SLC26A1: variants seen among roughly 807,000 people sequenced by gnomAD.
SLC26A1 encodes the protein sulfate anion transporter 1.
In SLC26A1, 18 loss-of-function variants were observed where a neutral mutation model predicts 14.5. That is an observed-to-expected ratio of 1.24 (90% confidence interval 0.86 to 1.84). The LOEUF (loss-of-function observed/expected upper bound fraction) is 1.84. SLC26A1 is among the 40% of genes most tolerant of loss of function. The probability of loss-of-function intolerance (pLI) is 0.00; values close to 1 mark genes in which losing one functional copy is unlikely to be tolerated. For missense variants in SLC26A1, 1,049 were observed against 1,020.0 expected, an observed-to-expected ratio of 1.03 and a Z score of -0.39; for synonymous variants, 505 against 492.0, an observed-to-expected ratio of 1.03 and a Z score of -0.35.
In SLC26A1 at chr4:988,823, C is replaced by A. The variant is rs1234672725; in HGVS notation, c.*10G>T. The A allele has an allele frequency of 1.9e-6, 3 of 1,570,632 alleles. No individual in the cohort carries two copies. Among genetic ancestry groups the A allele is most frequent in the Non-Finnish European group, 2.6e-6 (3 of 1,159,126 alleles). On this transcript the variant is annotated 3_prime_UTR_variant, in exon 3 of 3. Transcript: ENST00000398516. ...GAGGGAGCAGAGGCTGCTGGGCAGG[C>A]CTGGCCCTGCTACAGATGGGCATCG...
downstream of SLC26A1, among the ~76,000 whole-genome samples, chr4:982,683 G>A (rs367920787): frequency 3.9e-3 from 601 of 152,340 alleles, 38 homozygotes; most frequent in South Asian, 0.1. Context: ...GTAGAGACCT[G>A]TGTGAATCTC....
chr4:982,951 A>C (rs1473604017), downstream of SLC26A1, among the ~76,000 whole-genome samples: 2 of 152,250 alleles, frequency 1.3e-5, no homozygotes, highest in African/African-American at 4.8e-5. Flanking sequence ...AACTAGAATC[A>C]TCTCTACGTC....
intron 2 of SLC26A1, 65 bp from the exon 3 acceptor site, chr4:990,427 C>G: frequency 6.9e-7 from 1 of 1,452,196 alleles, no homozygotes; most frequent in African/African-American, 1.4e-5. Context: ...TCACCAGCAC[C>G]TGGCATGGCC....
downstream of SLC26A1, chr4:987,320 G>A: frequency 7.5e-7 from 1 of 1,338,208 alleles, no homozygotes; most frequent in South Asian, 1.3e-5. Context: ...CACTGTGAGA[G>A]CTTCAGAGAC....
rs73219719 is a variant in SLC26A1 at position 989,824 on chromosome 4, C to T, written c.1115G>A (p.Arg372His). The T allele has an allele frequency of 0.011, 16,668 of 1,580,354 alleles. 156 individuals are homozygous for T. The highest frequency in any genetic ancestry group is 0.041 in the Admixed American group (2,245 of 54,972). Residue 372 changes from arginine to histidine, a missense_variant, in exon 3 of 3, where the codon CGT (arginine) becomes CAT (histidine). Arg to His is a conservative substitution (Grantham distance 29). Transcript: ENST00000398516. ...MFARSHGYSV[R>H]ANQELLAVGC... ...CACAGCCAGCAGCTCCTGGTTGGCACGCACAGAGTAGCCGTGACTGCGGGC... is the reference window on the plus strand; with the variant it reads ...CACAGCCAGCAGCTCCTGGTTGGCATGCACAGAGTAGCCGTGACTGCGGGC...
Position 990,240 on chromosome 4 carries a change from G to T in SLC26A1, c.699C>A (p.Gly233=). 6.3e-7 allele frequency: 1 copy of T among 1,581,286 alleles called. No individual in the cohort carries two copies. Among genetic ancestry groups the T allele is most frequent in the East Asian group, 2.3e-5 (1 of 43,606 alleles). The part of the protein sequence containing the change: ...ILTSQLKHLL[G]VRIPRHQGPG... The stretch of plus-strand genomic sequence containing the variant: ...GCCCCTGGTGCCGCGGGATCCGCAC[G>T]CCCAGCAGGTGTTTGAGCTGCGAGG... The change falls in exon 3 of 3, where the codon GGC becomes GGA. Residue 233 remains glycine, a synonymous_variant. Coordinates refer to ENST00000398516, the MANE Select transcript of SLC26A1 (RefSeq NM_022042.4).
At chr4:984,790 G>A (rs149948935), downstream of SLC26A1, among the ~76,000 whole-genome samples, 786 of 152,286 alleles carry the variant, frequency 5.2e-3, 6 homozygotes, top group African/African-American at 0.018. Context: ...GGACAACAGA[G>A]TGAGACTTCG....
intron 1 of SLC26A1, chr4:992,376 G>A (rs752516251): frequency 5.5e-6 from 2 of 363,084 alleles, no homozygotes; most frequent in Non-Finnish European, 1.1e-5. Context: ...GAAGTCTCAG[G>A]AAGAGGCCTC....
rs1421451574 is a variant in SLC26A1 at position 987,802 on chromosome 4, TC to T, written c.*1030del. Reference sequence around the variant, plus strand: ...TCGGGACTGAGCCGCCCCTTTGTTGTCCCCAGCCCCCCGCTGCCACACAGCC... The same window carrying T: ...TCGGGACTGAGCCGCCCCTTTGTTGTCCCAGCCCCCCGCTGCCACACAGCC... On this transcript the variant is annotated 3_prime_UTR_variant, in exon 3 of 3. Transcript: ENST00000398516. 1 of 1,612,032 alleles carries T rather than the reference TC, an allele frequency of 6.2e-7. No individual in the cohort carries two copies. Among genetic ancestry groups the T allele is most frequent in the Non-Finnish European group, 8.5e-7 (1 of 1,179,790 alleles).
Position 991,729 on chromosome 4 carries a change from A to C in SLC26A1, c.-26T>G. ...CCTGTTGCGTCAGGTCCCGTGGCCG[A>C]CCTGCGGCCGAGAAGAGGGCATGGT... On this transcript the variant is annotated splice_region_variant and 5_prime_UTR_variant, in exon 2 of 3. Coordinates refer to ENST00000398516, the MANE Select transcript of SLC26A1 (RefSeq NM_022042.4). The C allele has an allele frequency of 3.9e-6, 6 of 1,530,244 alleles. No homozygotes were observed. The highest frequency in any genetic ancestry group is 5.2e-6 in the Non-Finnish European group (6 of 1,145,032). The allele number at this position is 1,530,244 out of a possible 1,614,324, so 94.8% of individuals were successfully genotyped here. A position where few individuals can be genotyped will look rare whatever the true frequency, so the allele number is the denominator to read the frequency against.
chr4:991,196 C>T lies in SLC26A1; in HGVS notation c.508G>A (p.Asp170Asn). The change falls in exon 2 of 3, where the codon GAC (aspartate) becomes AAC (asparagine). Residue 170 changes from aspartate to asparagine, a missense_variant. Coordinates refer to ENST00000398516, the MANE Select transcript of SLC26A1 (RefSeq NM_022042.4). ...STLNGSAAML[D>N]CGRDCYAIRV... ...ATGGCGTAGCAGTCACGCCCGCAGT[C>T]CAGCATGGCAGCCGAGCCGTTGAGG... The T allele has an allele frequency of 2.5e-6, 4 of 1,600,752 alleles. No individual in the cohort carries two copies. Among genetic ancestry groups the T allele is most frequent in the Non-Finnish European group, 3.4e-6 (4 of 1,172,360 alleles).
downstream of SLC26A1, chr4:987,367 C>T (rs1258963659): frequency 9.2e-6 from 9 of 980,140 alleles, no homozygotes; most frequent in Non-Finnish European, 1.3e-5. Context: ...CTCTCCCGGG[C>T]CCGCCCCCCG....
chr4:992,616 C>T (rs926503547), intron 1 of SLC26A1: 1 of 190,648 alleles, frequency 5.2e-6, no homozygotes. Context: ...GCTGCACCAG[C>T]TCACTGTGGA....
chr4:989,176 G>A lies in SLC26A1; in HGVS notation c.1763C>T (p.Ala588Val), dbSNP rs1243379531. The change falls in exon 3 of 3, where the codon GCC becomes GTC. Residue 588 changes from alanine (A) to valine (V), a missense_variant. Transcript: ENST00000398516. ...SETGVGEGGP[A>V]QGEDLGPVST... ...AACCGGGCCCAGGTCCTCGCCCTGG[G>A]CAGGGCCTCCCTCACCGACCCCCGT... 2 of 1,607,406 alleles carry A rather than the reference G, an allele frequency of 1.2e-6. No individual in the cohort carries two copies. The highest frequency in any genetic ancestry group is 1.3e-5 in the African/African-American group (1 of 74,940).
At chr4:986,977 G>A, downstream of SLC26A1, 1 of 563,690 alleles carries the variant, frequency 1.8e-6, no homozygotes, top group Non-Finnish European at 2.9e-6. Flanking sequence ...CCCTCACCAA[G>A]GCCCCGCCCC....
chr4:986,963 CG>C, downstream of SLC26A1: 3 of 494,286 alleles, frequency 6.1e-6, no homozygotes, highest in Non-Finnish European at 7.5e-6. Flanking sequence ...ACCCGGCCAT[CG>C]CCCCCTCACC....
rs377014675 is a variant in SLC26A1, at chr4:979,556, G to A, written c.577-52C>T. 4.9e-5 allele frequency: 78 copies of A among 1,605,616 alleles called. 1 individual carries two copies. The South Asian group carries it at 4.9e-4, about 10-fold the overall frequency. ...TGGTGGAGGCCGCTGACCCGCTGAC[G>A]TCTCCACAGCCAAACGTCCCCCTGC... On this transcript the variant is annotated intron_variant, in intron 2 of 2. Coordinates refer to the SLC26A1 transcript ENST00000398520.
chr4:979,105 G>A (rs751324623), exon 3 of SLC26A1: 4 of 239,544 alleles, frequency 1.7e-5, no homozygotes, highest in Admixed American at 1.1e-4. Context: ...GAGGAAAGAG[G>A]AAGACGAAAG....
At position 989,594 on chromosome 4, in the gene SLC26A1, T is replaced by G; in HGVS notation, c.1345A>C (p.Ser449Arg). The change falls in exon 3 of 3, where the codon AGC (serine) becomes CGC (arginine). Residue 449 changes from serine to arginine, a missense_variant. Coordinates refer to ENST00000398516, the MANE Select transcript of SLC26A1 (RefSeq NM_022042.4). ...RSVLACVIVVSLRGALRKVWD... is the reference protein window; with the variant it reads ...RSVLACVIVVRLRGALRKVWD... ...ACCTTGCGCAGGGCCCCCCGCAGGC[T>G]GACCACGATGACGCAGGCCAGCACG... 3 of 1,601,034 alleles carry G rather than the reference T, an allele frequency of 1.9e-6. No homozygotes were observed. Among genetic ancestry groups the G allele is most frequent in the South Asian group, 1.1e-5 (1 of 89,014 alleles).
Sources: allele counts gnomAD v4.1 joint callset (sites outside exome capture counted in the v4.1 genomes callset), GRCh38; gene constraint gnomAD v4.1.1; transcripts MANE v1.5; gene names NCBI Gene and HGNC (gene_info 2026-07-23, HGNC 2026-07-21).